The following UNC5C variants were observed in gnomAD, a reference collection of about 807,000 sequenced individuals.
The protein encoded by UNC5C is netrin receptor UNC5C.
Under a neutral mutation model 99.8 loss-of-function variants are expected in UNC5C, and 47 were observed. That is an observed-to-expected ratio of 0.47 (90% confidence interval 0.37 to 0.60). The LOEUF is 0.60. UNC5C is among the 20% of genes least tolerant of loss of function. The probability of loss-of-function intolerance (pLI) is 0.00; values close to 1 mark genes in which losing one functional copy is unlikely to be tolerated. For synonymous variants in UNC5C, 487 were observed against 452.2 expected (o/e 1.08, Z -0.98); for missense variants, 1,062 against 1,165.9 (o/e 0.91, Z 1.30).
intron 1 of UNC5C, among the ~76,000 whole-genome samples, chr4:95,344,072 T>C (rs1227966896): frequency 6.6e-6 from 1 of 151,690 alleles, no homozygotes. Context: ...GAGAAAGATA[T>C]CAACATTCAA....
intron 1 of UNC5C, among the ~76,000 whole-genome samples, chr4:95,369,587 C>A (rs1404011218): frequency 6.6e-6 from 1 of 151,966 alleles, no homozygotes; most frequent in East Asian, 1.9e-4. Flanking sequence ...TCCAAATATT[C>A]CAAGTGTACT....
chr4:95,372,984 C>T (rs1243221101), intron 1 of UNC5C, among the ~76,000 whole-genome samples: 2 of 152,172 alleles, frequency 1.3e-5, no homozygotes. Context: ...ATTCTGCCAG[C>T]ACTCCTTGAA....
intron 1 of UNC5C, among the ~76,000 whole-genome samples, chr4:95,473,667 A>G (rs1748045006): frequency 6.6e-6 from 1 of 152,168 alleles, no homozygotes; most frequent in East Asian, 1.9e-4. Context: ...AAGTTTTATT[A>G]GAGATGGTCA....
At chr4:95,427,800 G>T (rs1746525700) in intron 1 of UNC5C, among the ~76,000 whole-genome samples, 1 of 151,964 alleles carries the variant, frequency 6.6e-6, no homozygotes, top group African/African-American at 2.4e-5. Context: ...ATATCTTTGA[G>T]GTATGTTCGT....
At chr4:95,278,220 A>G in intron 4 of UNC5C, 39 bp downstream of exon 4, 1 of 1,512,680 alleles carries the variant, frequency 6.6e-7, no homozygotes, top group Non-Finnish European at 9.2e-7. Flanking sequence ...AGAATAACTT[A>G]GTGCCAATTG....
chr4:95,476,144 G>A (rs1296133305), intron 1 of UNC5C, among the ~76,000 whole-genome samples: 1 of 151,948 alleles, frequency 6.6e-6, no homozygotes, highest in Non-Finnish European at 1.5e-5. Context: ...TCCATTTCTT[G>A]GCCTTTCCTT....
At chr4:95,510,136 T>G (rs72876476) in intron 1 of UNC5C, among the ~76,000 whole-genome samples, 15,520 of 152,014 alleles carry the variant, frequency 0.1, 1,799 homozygotes, top group African/African-American at 0.28. Flanking sequence ...AGTCCTTTTA[T>G]TTCTAGTTTT....
chr4:95,236,787 C>G (rs1236884129), intron 7 of UNC5C, among the ~76,000 whole-genome samples: 1 of 152,088 alleles, frequency 6.6e-6, no homozygotes, highest in Non-Finnish European at 1.5e-5. Flanking sequence ...TTTTAGCGGA[C>G]ATCATAAATG....
chr4:95,252,589 A>G (rs984738970), intron 4 of UNC5C, among the ~76,000 whole-genome samples: 2 of 152,200 alleles, frequency 1.3e-5, no homozygotes, highest in African/African-American at 4.8e-5. Context: ...TGCAGGGATG[A>G]GGCTGCAGCT....
chr4:95,249,585 G>A (rs995322916), intron 5 of UNC5C, among the ~76,000 whole-genome samples: 2 of 152,138 alleles, frequency 1.3e-5, no homozygotes, highest in African/African-American at 4.8e-5. Flanking sequence ...ACTTTAGCTG[G>A]GGAGATGAAT....
intron 1 of UNC5C, among the ~76,000 whole-genome samples, chr4:95,341,002 A>G (rs544335798): frequency 1.3e-5 from 2 of 152,246 alleles, no homozygotes; most frequent in African/African-American, 4.8e-5. Context: ...AAAATACTCA[A>G]TGACTGATGA....
chr4:95,193,636 A>G (rs1737250028), intron 12 of UNC5C, among the ~76,000 whole-genome samples: 1 of 152,154 alleles, frequency 6.6e-6, no homozygotes, highest in Non-Finnish European at 1.5e-5. Context: ...GGGCTGAGAA[A>G]TCTGTGCCTT....
At chr4:95,391,623 T>A (rs2149445171) in intron 1 of UNC5C, among the ~76,000 whole-genome samples, 1 of 152,274 alleles carries the variant, frequency 6.6e-6, no homozygotes, top group African/African-American at 2.4e-5. Context: ...TCTATAACTC[T>A]GTATTGATGT....
chr4:95,538,221 T>A (rs1722828319), intron 1 of UNC5C, among the ~76,000 whole-genome samples: 1 of 152,206 alleles, frequency 6.6e-6, no homozygotes, highest in Non-Finnish European at 1.5e-5. Flanking sequence ...TATGAAAAAA[T>A]TCCAATGTAC....
chr4:95,384,525 G>A (rs1171461349), intron 1 of UNC5C, among the ~76,000 whole-genome samples: 1 of 152,150 alleles, frequency 6.6e-6, no homozygotes, highest in Non-Finnish European at 1.5e-5. Flanking sequence ...ACGTCCAGGA[G>A]TGTGGTAAAG....
At chr4:95,225,917 GAGA>G (rs1243432223) in intron 7 of UNC5C, among the ~76,000 whole-genome samples, 8 of 152,190 alleles carry the variant, frequency 5.3e-5, no homozygotes, top group African/African-American at 1.9e-4. Context: ...CTGGGAATCA[GAGA>G]AGAAGGGGAT....
chr4:95,289,859 T>G (rs186235594), intron 3 of UNC5C, among the ~76,000 whole-genome samples: 1 of 152,328 alleles, frequency 6.6e-6, no homozygotes, highest in Admixed American at 6.5e-5. Context: ...AATGCCTGAC[T>G]TAATGCCATA....
intron 3 of UNC5C, among the ~76,000 whole-genome samples, chr4:95,287,075 A>G (rs550957851): frequency 1.3e-5 from 2 of 152,314 alleles, no homozygotes; most frequent in African/African-American, 4.8e-5. Context: ...TCTCACCTCA[A>G]GAGAAAATCC....
At chr4:95,541,448 A>C (rs1029930081) in intron 1 of UNC5C, among the ~76,000 whole-genome samples, 1 of 152,144 alleles carries the variant, frequency 6.6e-6, no homozygotes, top group East Asian at 1.9e-4. Flanking sequence ...TATCTCCTGC[A>C]TTTAAGGAAG....
Sources: gnomAD v4.1 joint callset for allele counts (sites outside exome capture counted in the v4.1 genomes callset) on GRCh38, gnomAD v4.1.1 for gene constraint, MANE v1.5 for transcripts, NCBI Gene and HGNC (gene_info 2026-07-23, HGNC 2026-07-21) for gene names.